FRYL: variants seen among roughly 807,000 people sequenced by gnomAD.
The protein encoded by FRYL is FRY like transcription coactivator, also known as protein furry homolog-like.
Under a neutral mutation model 351.2 loss-of-function variants are expected in FRYL, and 150 were observed. The ratio of observed to expected loss-of-function variants is 0.43; its 90% confidence interval spans 0.37 to 0.49. The LOEUF is 0.49. Among genes scored for constraint, FRYL ranks in the 20% least tolerant of loss-of-function variants. FRYL has a pLI of 0.00. For missense variants in FRYL, 3,036 were observed against 3,619.3 expected, an observed-to-expected ratio of 0.84 and a Z score of 4.13; for synonymous variants, 1,153 against 1,257.1, an observed-to-expected ratio of 0.92 and a Z score of 1.75.
intron 3 of FRYL, among the ~76,000 whole-genome samples, chr4:48,650,604 A>C (rs539511205): frequency 4.1e-4 from 63 of 152,328 alleles, no homozygotes; most frequent in African/African-American, 1.4e-3. Flanking sequence ...GCAAATATGA[A>C]GGCACAGAAT....
chr4:48,520,212 G>A (rs1724607944), intron 55 of FRYL, among the ~76,000 whole-genome samples: 1 of 152,134 alleles, frequency 6.6e-6, no homozygotes, highest in Non-Finnish European at 1.5e-5. Context: ...ATATGAGTAT[G>A]AGCATTTTAA....
Position 48,575,208 on chromosome 4 carries a change from T to C in FRYL, c.2755A>G (p.Lys919Glu). 1 of 1,613,874 alleles carries C rather than the reference T, an allele frequency of 6.2e-7. No individual in the cohort carries two copies. The highest frequency in any genetic ancestry group is 8.5e-7 in the Non-Finnish European group (1 of 1,179,780). ...GAACGCATCATTGGAACTATGTGCT[T>C]AAACAAGGATGAAGGGGATGGGATG... The part of the protein sequence containing the change: ...IGIPSPSSLF[K>E]HIVPMMRSES... Residue 919 changes from lysine to glutamate, a missense_variant, in exon 25 of 64, where the codon AAG becomes GAG. By Grantham distance (56) the Lys-to-Glu change is moderately conservative. Coordinates refer to ENST00000358350, the MANE Select transcript of FRYL (RefSeq NM_015030.2).
At position 48,653,807 on chromosome 4, in the gene FRYL, AAGCAGCAGCAGCAGCAGC is replaced by A. The variant is rs67820516; in HGVS notation, c.-80-19335_-80-19318del. 2.2e-4 allele frequency: 286 copies of A among 1,274,974 alleles called. 1 individual carries two copies. The African/African-American group carries it at 4.1e-3, about 18-fold the overall frequency. 79.0% of individuals were successfully genotyped at this position (1,274,974 alleles called of 1,614,324 possible). A position where few individuals can be genotyped will look rare whatever the true frequency, so the allele number is the denominator to read the frequency against. ...AACATAGTGTCTCAATCAGCTGCAA[AAGCAGCAGCAGCAGCAGC>A]AGCAGCAGAAGCAGAAGCAGCAGCA... On this transcript the variant is annotated intron_variant, in intron 3 of 63. Transcript: ENST00000358350.
chr4:48,761,885 C>A (rs1774455596), intron 1 of FRYL, among the ~76,000 whole-genome samples: 1 of 152,142 alleles, frequency 6.6e-6, no homozygotes, highest in Non-Finnish European at 1.5e-5. Flanking sequence ...TCACTAAGGA[C>A]ACATTTCTCA....
intron 23 of FRYL, among the ~76,000 whole-genome samples, chr4:48,578,544 T>A (rs1251575684): frequency 6.6e-6 from 1 of 152,216 alleles, no homozygotes; most frequent in African/African-American, 2.4e-5. Context: ...CAGTGTGTTA[T>A]TACCACTCCC....
chr4:48,711,078 G>C (rs554587688), intron 1 of FRYL, among the ~76,000 whole-genome samples: 1 of 152,202 alleles, frequency 6.6e-6, no homozygotes, highest in African/African-American at 2.4e-5. Flanking sequence ...TATGCTGGGG[G>C]GAGGAGCCAA....
At chr4:48,630,714 T>C (rs140199476) in intron 4 of FRYL, among the ~76,000 whole-genome samples, 2 of 152,342 alleles carry the variant, frequency 1.3e-5, no homozygotes, top group African/African-American at 4.8e-5. Flanking sequence ...TTCGAGTCTT[T>C]TGGCTTCCTT....
At position 48,623,185 on chromosome 4, in the gene FRYL, AT is replaced by A; in HGVS notation, c.121-7del. 1 of 1,382,622 alleles carries A rather than the reference AT, an allele frequency of 7.2e-7. No homozygotes were observed. 85.6% of individuals were successfully genotyped at this position (1,382,622 alleles called of 1,614,324 possible). A position where few individuals can be genotyped will look rare whatever the true frequency, so the allele number is the denominator to read the frequency against. Reference sequence around the variant, plus strand: ...GATCTGGACAATAGCTTCTCCTATGATTAAAAAAAACAAACATTAAAAATAA... The same window carrying A: ...GATCTGGACAATAGCTTCTCCTATGATAAAAAAAACAAACATTAAAAATAA... On this transcript the variant is annotated splice_region_variant and splice_polypyrimidine_tract_variant and intron_variant, in intron 4 of 63. Transcript: ENST00000358350.
Position 48,500,159 on chromosome 4 carries a change from G to A in FRYL, c.8654C>T (p.Ala2885Val), listed in dbSNP as rs1282332683. 1 of 1,606,034 alleles carries A rather than the reference G, an allele frequency of 6.2e-7. No individual in the cohort carries two copies. Among genetic ancestry groups the A allele is most frequent in the Non-Finnish European group, 8.5e-7 (1 of 1,178,566 alleles). The change falls in exon 63 of 64, where the codon GCT becomes GTT. Residue 2885 changes from alanine (A) to valine (V), a missense_variant. Physicochemically the swap from Ala to Val is moderately conservative, Grantham distance 64. This residue lies in a region of FRYL where 1,987 missense variants were observed against 2,311.7 expected (regional missense o/e 0.86). Transcript: ENST00000358350. ...LESILKEAES[A>V]SENEEIDISK... is the part of the protein sequence containing the mutation. ...AATGTCAATTTCTTCGTTTTCGGAAGCGGACTCAGCTTCTTTGAGGATACT... is the reference window on the plus strand; with the variant it reads ...AATGTCAATTTCTTCGTTTTCGGAAACGGACTCAGCTTCTTTGAGGATACT...
chr4:48,596,385 T>C (rs949542768), intron 13 of FRYL, among the ~76,000 whole-genome samples: 3 of 152,134 alleles, frequency 2.0e-5, no homozygotes, highest in African/African-American at 7.2e-5. Flanking sequence ...GTAGCCCATA[T>C]ATAGTTAAAA....
chr4:48,751,594 G>A (rs760187076), intron 1 of FRYL, among the ~76,000 whole-genome samples: 3 of 152,112 alleles, frequency 2.0e-5, no homozygotes, highest in Non-Finnish European at 2.9e-5. Context: ...AGAAGTCCCA[G>A]AATGGCAGCT....
intron 1 of FRYL, among the ~76,000 whole-genome samples, chr4:48,725,548 C>A (rs1323610948): frequency 6.6e-6 from 1 of 152,170 alleles, no homozygotes; most frequent in Non-Finnish European, 1.5e-5. Context: ...GCACATCATT[C>A]TCAGTAGCGT....
At position 48,550,723 on chromosome 4, in the gene FRYL, A is replaced by G; in HGVS notation, c.4521-19T>C. ...CACATAGCTATGGGAATGATCACTG[A>G]AGTTAGTCACAGTTCACGGTGCAAT... On this transcript the variant is annotated intron_variant, in intron 37 of 63. Coordinates refer to ENST00000358350, the MANE Select transcript of FRYL (RefSeq NM_015030.2). 6.6e-7 allele frequency: 1 copy of G among 1,511,878 alleles called. No homozygotes were observed. The highest frequency in any genetic ancestry group is 9.2e-7 in the Non-Finnish European group (1 of 1,086,800). The allele number at this position is 1,511,878 out of a possible 1,614,324, so 93.7% of individuals were successfully genotyped here. A position where few individuals can be genotyped will look rare whatever the true frequency, so the allele number is the denominator to read the frequency against.
intron 1 of FRYL, among the ~76,000 whole-genome samples, chr4:48,726,616 A>T (rs1307279336): frequency 6.6e-6 from 1 of 152,134 alleles, no homozygotes; most frequent in Non-Finnish European, 1.5e-5. Flanking sequence ...CGGGAAGCAG[A>T]GGTTGCAGTG....
At chr4:48,727,806 T>C (rs1770249236) in intron 1 of FRYL, among the ~76,000 whole-genome samples, 1 of 152,186 alleles carries the variant, frequency 6.6e-6, no homozygotes, top group South Asian at 2.1e-4. Flanking sequence ...CCAGTCAGCC[T>C]TAGCCTTCCA....
At chr4:48,606,027 G>A (rs561451002) in intron 10 of FRYL, among the ~76,000 whole-genome samples, 194 bp from the exon 11 acceptor site, 18 of 151,088 alleles carry the variant, frequency 1.2e-4, no homozygotes, top group South Asian at 6.3e-4. Context: ...AGGCTGAGGC[G>A]GGCAGATCAC....
intron 1 of FRYL, among the ~76,000 whole-genome samples, chr4:48,713,071 T>A (rs535845720): frequency 1.3e-5 from 2 of 152,048 alleles, no homozygotes; most frequent in East Asian, 3.9e-4. Flanking sequence ...GAAGAGCTCC[T>A]GAAGGAAACA....
intron 56 of FRYL, among the ~76,000 whole-genome samples, chr4:48,514,301 A>C (rs1409858258): frequency 1.3e-5 from 2 of 152,290 alleles, no homozygotes; most frequent in South Asian, 2.1e-4. Flanking sequence ...AAAAAACATA[A>C]TATTGAACCA....
chr4:48,562,564 A>T (rs1237157328), intron 32 of FRYL, among the ~76,000 whole-genome samples: 1 of 152,232 alleles, frequency 6.6e-6, no homozygotes, highest in Non-Finnish European at 1.5e-5. Context: ...CTCTCCAAAA[A>T]AATTTGGACA....
Sources: gnomAD v4.1 joint callset for allele counts (sites outside exome capture counted in the v4.1 genomes callset) on GRCh38, gnomAD v4.1.1 for gene constraint, gnomAD v4.1.1 regional missense constraint, MANE v1.5 for transcripts, NCBI Gene and HGNC (gene_info 2026-07-23, HGNC 2026-07-21) for gene names.